The following PDE1A variants were observed in gnomAD, a reference collection of about 807,000 sequenced individuals.
PDE1A encodes the protein dual specificity calcium/calmodulin-dependent 3',5'-cyclic nucleotide phosphodiesterase 1A.
Under a neutral mutation model 61.7 loss-of-function variants are expected in PDE1A, and 35 were observed. The ratio of observed to expected loss-of-function variants is 0.57; its 90% CI spans 0.43 to 0.75. The LOEUF (loss-of-function observed/expected upper bound fraction) is 0.75, where lower values mean the gene tolerates loss of function less well. Among genes scored for constraint, PDE1A ranks in the 30% least tolerant of loss-of-function variants. PDE1A has a pLI of 0.00. For missense variants in PDE1A, 597 were observed against 630.6 expected, an observed-to-expected ratio of 0.95 and a Z score of 0.57; for synonymous variants, 232 against 213.2, an observed-to-expected ratio of 1.09 and a Z score of -0.77.
At chr2:182,575,881 TTA>T in the PDE1A span, among the ~76,000 whole-genome samples, 1 of 146,398 alleles carries the variant, frequency 6.8e-6, no homozygotes, top group Non-Finnish European at 1.5e-5. Flanking sequence ...AGTTAATACT[TTA>T]TATATATATA....
the PDE1A span, among the ~76,000 whole-genome samples, chr2:182,546,334 T>A: frequency 6.6e-6 from 1 of 151,846 alleles, no homozygotes; most frequent in Non-Finnish European, 1.5e-5. Flanking sequence ...TTTGCTTATA[T>A]CCATTCCAAG....
chr2:182,195,545 C>T (rs1224238562), intron 10 of PDE1A, among the ~76,000 whole-genome samples: 1 of 152,040 alleles, frequency 6.6e-6, no homozygotes, highest in Non-Finnish European at 1.5e-5. Context: ...ACAAGAAACA[C>T]AAGATGTTTA....
intron 1 of PDE1A, among the ~76,000 whole-genome samples, chr2:182,365,747 T>G (rs1002143803): frequency 7.2e-5 from 11 of 152,160 alleles, no homozygotes; most frequent in Non-Finnish European, 1.6e-4. Context: ...AGAATTCTTT[T>G]GATTGAACAT....
At chr2:182,389,933 C>T (rs571558426) in intron 1 of PDE1A, among the ~76,000 whole-genome samples, 24 of 152,224 alleles carry the variant, frequency 1.6e-4, no homozygotes, top group Admixed American at 4.6e-4. Flanking sequence ...AGCTTTTGGA[C>T]GCTTGGACTT....
chr2:182,452,786 T>A (rs558363844), intron 2 of PDE1A, among the ~76,000 whole-genome samples: 4 of 152,266 alleles, frequency 2.6e-5, no homozygotes, highest in African/African-American at 7.2e-5. Flanking sequence ...CATTTAAGTC[T>A]GCTAAAGCCC....
intron 11 of PDE1A, 41 bp from the exon 12 acceptor site, chr2:182,186,629 G>C (rs1685229029): frequency 9.6e-6 from 15 of 1,558,162 alleles, no homozygotes; most frequent in Non-Finnish European, 1.2e-5. Context: ...ATAAATTCAA[G>C]TGTTACAATT....
At chr2:182,647,522 T>A in the PDE1A span, among the ~76,000 whole-genome samples, 9 of 152,178 alleles carry the variant, frequency 5.9e-5, no homozygotes, top group Admixed American at 5.2e-4. Context: ...ATTGAGGTAG[T>A]CTATTAAGAG....
intron 2 of PDE1A, among the ~76,000 whole-genome samples, chr2:182,254,282 C>G (rs993494180): frequency 1.3e-5 from 2 of 152,140 alleles, no homozygotes; most frequent in African/African-American, 4.8e-5. Flanking sequence ...CACACTCCAC[C>G]TACAGGGTGA....
chr2:182,306,785 C>T (rs1348820059), intron 1 of PDE1A, among the ~76,000 whole-genome samples: 1 of 152,112 alleles, frequency 6.6e-6, no homozygotes, highest in East Asian at 1.9e-4. Flanking sequence ...TTATCTCACT[C>T]TTTATAGAAT....
intron 2 of PDE1A, among the ~76,000 whole-genome samples, chr2:182,489,633 T>A (rs1574782909): frequency 1.3e-5 from 2 of 152,086 alleles, no homozygotes; most frequent in Admixed American, 1.3e-4. Context: ...TGGCTGTGAG[T>A]GAAAGTCTCT....
the PDE1A span, among the ~76,000 whole-genome samples, chr2:182,626,748 CATAT>C: frequency 1.8e-4 from 3 of 16,610 alleles, no homozygotes; most frequent in African/African-American, 4.5e-4. Flanking sequence ...CATATATATA[CATAT>C]ATATATATAC....
chr2:182,502,256 G>A (rs1235757971), intron 2 of PDE1A, among the ~76,000 whole-genome samples: 1 of 152,108 alleles, frequency 6.6e-6, no homozygotes, highest in East Asian at 1.9e-4. Flanking sequence ...CCTAGACTTA[G>A]GTGACTGCTG....
the PDE1A span, among the ~76,000 whole-genome samples, chr2:182,685,997 C>T: frequency 6.6e-6 from 1 of 152,214 alleles, no homozygotes; most frequent in Non-Finnish European, 1.5e-5. Flanking sequence ...ACATAACGAG[C>T]TTGATTTGAA....
chr2:182,488,161 C>T (rs1688134930), intron 2 of PDE1A, among the ~76,000 whole-genome samples: 2 of 152,148 alleles, frequency 1.3e-5, no homozygotes, highest in Admixed American at 1.3e-4. Context: ...CCAGTTCCAT[C>T]ACACTGATAT....
intron 1 of PDE1A, among the ~76,000 whole-genome samples, chr2:182,387,484 G>A (rs565617424): frequency 6.6e-6 from 1 of 152,196 alleles, no homozygotes; most frequent in South Asian, 2.1e-4. Context: ...GAGGTTGGGT[G>A]TGGTGGCTCA....
intron 10 of PDE1A, among the ~76,000 whole-genome samples, chr2:182,190,815 G>A (rs1232491513): frequency 6.6e-6 from 1 of 151,992 alleles, no homozygotes; most frequent in Non-Finnish European, 1.5e-5. Context: ...AATTACCTAG[G>A]TGTGGTGGCA....
chr2:182,648,818 C>T, the PDE1A span, among the ~76,000 whole-genome samples: 1 of 151,962 alleles, frequency 6.6e-6, no homozygotes, highest in Non-Finnish European at 1.5e-5. Flanking sequence ...GTGCAAATGC[C>T]AACACTTCCA....
chr2:182,241,209 A>C (rs1247207387), intron 2 of PDE1A, among the ~76,000 whole-genome samples: 1 of 152,206 alleles, frequency 6.6e-6, no homozygotes, highest in South Asian at 2.1e-4. Flanking sequence ...GAGGCTCCCC[A>C]CCAAATACAG....
At chr2:182,576,619 T>C in the PDE1A span, among the ~76,000 whole-genome samples, 1 of 152,210 alleles carries the variant, frequency 6.6e-6, no homozygotes. Context: ...ACTTCTAATT[T>C]TAATTTTTTG....
Sources: gnomAD v4.1 joint callset for allele counts (sites outside exome capture counted in the v4.1 genomes callset) on GRCh38, gnomAD v4.1.1 for gene constraint, MANE v1.5 for transcripts, NCBI Gene and HGNC (gene_info 2026-07-23, HGNC 2026-07-21) for gene names.